The following KIAA1217 variants were observed in gnomAD, a reference collection of about 807,000 sequenced individuals.
KIAA1217 encodes sickle tail protein homolog.
Under a neutral mutation model 163.9 loss-of-function variants are expected in KIAA1217, and 88 were observed. The ratio of observed to expected loss-of-function variants is 0.54; its 90% confidence interval spans 0.45 to 0.64. The LOEUF (loss-of-function observed/expected upper bound fraction) is 0.64. Among genes scored for constraint, KIAA1217 ranks in the 30% least tolerant of loss-of-function variants. The pLI is 0.00. For synonymous variants in KIAA1217, 903 were observed against 923.1 expected, an observed-to-expected ratio of 0.98 and a Z score of 0.39; for missense variants, 2,372 against 2,475.0, an observed-to-expected ratio of 0.96 and a Z score of 0.88.
intron 2 of KIAA1217, among the ~76,000 whole-genome samples, chr10:24,021,087 G>C (rs144499492): frequency 6.6e-6 from 1 of 151,900 alleles, no homozygotes; most frequent in Non-Finnish European, 1.5e-5. Flanking sequence ...TTCAGGGAAA[G>C]AAATGTATAA....
chr10:24,386,591 A>C lies in KIAA1217; in HGVS notation c.553+5524A>C, dbSNP rs12570897. ...TATTTATTTATTTATTTATTTATTT[A>C]GAGACAGGGTCTTTCTCTGTTGCCC... On this transcript the variant is annotated intron_variant, in intron 3 of 20. Transcript: ENST00000376454. Among the ~76,000 whole-genome samples the C allele has an allele frequency of 9.4e-3, 1,429 of 151,872 alleles. 48 individuals carry two copies. The East Asian group carries it at 0.1, about 11-fold the overall frequency.
Position 24,531,977 on chromosome 10 carries a change from A to T in KIAA1217, c.3230A>T (p.Glu1077Val). The change falls in exon 15 of 21, where the codon GAG (glutamate) becomes GTG (valine). Residue 1077 changes from glutamate (E) to valine (V), a missense_variant. Transcript: ENST00000376454. ...SGDVVYTGRK[E>V]NITAKASSED... is the part of the protein sequence containing the mutation. ...GATGTGGTCTACACCGGCAGAAAGG[A>T]GAACATCACCGCTAAGGTCTGATAG... The T allele has an allele frequency of 1.3e-6, 2 of 1,578,398 alleles. No individual in the cohort carries two copies. The highest frequency in any genetic ancestry group is 1.7e-6 in the Non-Finnish European group (2 of 1,158,118).
At chr10:24,347,087 C>A (rs1356998054) in intron 2 of KIAA1217, among the ~76,000 whole-genome samples, 1 of 152,166 alleles carries the variant, frequency 6.6e-6, no homozygotes, top group African/African-American at 2.4e-5. Context: ...ACTCACTAGT[C>A]TGATACCTCA....
intron 2 of KIAA1217, among the ~76,000 whole-genome samples, chr10:24,133,278 C>CA (rs1231639108): frequency 6.6e-6 from 1 of 151,944 alleles, no homozygotes; most frequent in Non-Finnish European, 1.5e-5. Flanking sequence ...TTCTATTAGT[C>CA]AAAAAAGATC....
intron 2 of KIAA1217, among the ~76,000 whole-genome samples, chr10:24,122,118 C>A (rs1039200772): frequency 6.6e-6 from 1 of 152,116 alleles, no homozygotes; most frequent in Non-Finnish European, 1.5e-5. Context: ...CAGGTGTGAA[C>A]ATAGTACCCA....
intron 2 of KIAA1217, among the ~76,000 whole-genome samples, chr10:24,317,801 A>G (rs1286868370): frequency 6.6e-6 from 1 of 152,258 alleles, no homozygotes; most frequent in Non-Finnish European, 1.5e-5. Context: ...AGTAAAGCCC[A>G]AACAACTTAG....
chr10:23,905,165 A>G lies in KIAA1217; in HGVS notation c.-320-102060A>G, dbSNP rs552044214. ...AGTATGTAGCCTGTCATCTGAAACT[A>G]AAGTCACAGAAGGGGCTGCTTTTTT... On this transcript the variant is annotated intron_variant, in intron 1 of 18. Coordinates refer to the KIAA1217 transcript ENST00000376462. Among the ~76,000 whole-genome samples, 3 of 98,030 alleles carry G rather than the reference A, an allele frequency of 3.1e-5. No homozygotes were observed. The East Asian group carries it at 8.8e-4, about 29-fold the overall frequency. The allele number at this position is 98,030 out of a possible 152,430, so 64.3% of individuals were successfully genotyped here. A position where few individuals can be genotyped will look rare whatever the true frequency, so the allele number is the denominator to read the frequency against.
chr10:24,178,183 A>G (rs2065998866), intron 2 of KIAA1217, among the ~76,000 whole-genome samples: 1 of 152,242 alleles, frequency 6.6e-6, no homozygotes, highest in South Asian at 2.1e-4. Flanking sequence ...GTTTACGTTA[A>G]TGTCACTTGC....
Position 24,434,054 on chromosome 10 carries a change from T to TA in KIAA1217, c.752+862dup, listed in dbSNP as rs2059825191. ...TTTTTTTTTTTTTTTTTTTTTTTTTTATGAGACAGTCTTGCTCTTTCGCCC... is the reference window on the plus strand; with the variant it reads ...TTTTTTTTTTTTTTTTTTTTTTTTTTAATGAGACAGTCTTGCTCTTTCGCCC... On this transcript the variant is annotated intron_variant, in intron 4 of 20. Transcript: ENST00000376454. Among the ~76,000 whole-genome samples the TA allele has an allele frequency of 5.3e-5, 5 of 94,912 alleles. No homozygotes were observed. In the East Asian group the frequency reaches 1.1e-3, roughly 21 times the overall value. The allele number at this position is 94,912 out of a possible 152,430, so 62.3% of individuals were successfully genotyped here. A position where few individuals can be genotyped will look rare whatever the true frequency, so the allele number is the denominator to read the frequency against.
At chr10:24,166,024 A>G (rs2065327933) in intron 2 of KIAA1217, among the ~76,000 whole-genome samples, 1 of 152,148 alleles carries the variant, frequency 6.6e-6, no homozygotes, top group Admixed American at 6.6e-5. Context: ...CCCCACCTCC[A>G]ATTTTTTAAG....
In KIAA1217 at chr10:23,791,611, G is replaced by A. The variant is rs79494207; in HGVS notation, c.-321+96377G>A. On this transcript the variant is annotated intron_variant, in intron 1 of 18. Coordinates refer to the KIAA1217 transcript ENST00000376462. ...AGCATTGCTTTATAGTTTAAGTACC[G>A]CTTTTGTGTAAAAGAAAATGAAAGA... Among the ~76,000 whole-genome samples the A allele has an allele frequency of 1.3e-3, 204 of 152,176 alleles. 13 individuals carry two copies. In the East Asian group the frequency reaches 0.028, roughly 21 times the overall value.
In KIAA1217 at chr10:24,278,275, T is replaced by A. The variant is rs571058751; in HGVS notation, c.354+58366T>A. Among the ~76,000 whole-genome samples the A allele has an allele frequency of 3.8e-4, 58 of 152,288 alleles. 1 individual carries two copies. Among genetic ancestry groups the A allele is most frequent in the Non-Finnish European group, 7.4e-4 (50 of 68,026 alleles). On this transcript the variant is annotated intron_variant, in intron 2 of 20. Coordinates refer to ENST00000376454, the MANE Select transcript of KIAA1217 (RefSeq NM_019590.5). ...TAGAAGATGGATGAGAGTTACTCTGTGAGGCCGGAAACCTAGAACTCAGAC... is the reference window on the plus strand; with the variant it reads ...TAGAAGATGGATGAGAGTTACTCTGAGAGGCCGGAAACCTAGAACTCAGAC...
chr10:24,461,365 G>T (rs529145312), intron 5 of KIAA1217, among the ~76,000 whole-genome samples: 3 of 151,830 alleles, frequency 2.0e-5, no homozygotes, highest in African/African-American at 7.2e-5. Flanking sequence ...TTTTGTTTTG[G>T]TGGTGGGGAG....
At position 24,473,339 on chromosome 10, in the gene KIAA1217, C is replaced by A. The variant is rs1331090604; in HGVS notation, c.958C>A (p.Pro320Thr). The A allele has an allele frequency of 6.3e-7, 1 of 1,594,848 alleles. No individual in the cohort carries two copies. The highest frequency in any genetic ancestry group is 1.7e-5 in the Admixed American group (1 of 58,836). The change falls in exon 6 of 21, where the codon CCC (proline) becomes ACC (threonine). Residue 320 changes from proline to threonine, a missense_variant. Transcript: ENST00000376454. ...AAATTCCCCACCGTCTACTCCAGTG[C>A]CCCATTCCATGCCCCCCTCCCCGTC... ...IPNSPPSTPVPHSMPPSPSRI... is the reference protein window; with the variant it reads ...IPNSPPSTPVTHSMPPSPSRI...
At chr10:24,094,002 A>G (rs2131694286) in intron 2 of KIAA1217, among the ~76,000 whole-genome samples, 1 of 151,978 alleles carries the variant, frequency 6.6e-6, no homozygotes, top group African/African-American at 2.4e-5. Context: ...ATGGCTGCAT[A>G]GTATTCCATG....
chr10:24,147,832 CAA>C (rs1176106711), intron 2 of KIAA1217, among the ~76,000 whole-genome samples: 348 of 20,692 alleles, frequency 0.017, no homozygotes, highest in African/African-American at 0.057. Context: ...TACTCTGTCT[CAA>C]AAAAAAAAAA....
rs557030821 is a variant in KIAA1217, at chr10:24,521,630, C to G, written c.2309-152C>G. On this transcript the variant is annotated intron_variant, in intron 11 of 20. Coordinates refer to ENST00000376454, the MANE Select transcript of KIAA1217 (RefSeq NM_019590.5). ...CCCAAGGTGAGTTTCTCCAATGCTCCTCTGTGCTCTTAACCCACTGCCACC... is the reference window on the plus strand; with the variant it reads ...CCCAAGGTGAGTTTCTCCAATGCTCGTCTGTGCTCTTAACCCACTGCCACC... The G allele has an allele frequency of 2.4e-4, 204 of 852,374 alleles. 1 individual carries two copies. The South Asian group carries it at 3.2e-3, about 14-fold the overall frequency. 52.8% of individuals were successfully genotyped at this position (852,374 alleles called of 1,614,324 possible).
intron 2 of KIAA1217, among the ~76,000 whole-genome samples, chr10:24,144,261 C>T (rs1010443422): frequency 6.6e-6 from 1 of 152,116 alleles, no homozygotes; most frequent in Non-Finnish European, 1.5e-5. Flanking sequence ...AGTAGCAATT[C>T]GGAAGCTTTT....
chr10:24,327,608 A>G (rs1011439460), intron 2 of KIAA1217, among the ~76,000 whole-genome samples: 10 of 152,062 alleles, frequency 6.6e-5, no homozygotes, highest in Admixed American at 3.3e-4. Flanking sequence ...CTCCCACCTC[A>G]GCCTCCCAAG....
Sources: allele counts gnomAD v4.1 joint callset (sites outside exome capture counted in the v4.1 genomes callset), GRCh38; gene constraint gnomAD v4.1.1; transcripts MANE v1.5; gene names NCBI Gene and HGNC (gene_info 2026-07-23, HGNC 2026-07-21).